SPOCK1: variants seen among roughly 807,000 people sequenced by gnomAD.
The protein encoded by SPOCK1 is testican-1.
In SPOCK1, 23 loss-of-function variants were observed where a neutral mutation model predicts 55.3. The observed-to-expected ratio is 0.42, with a 90% CI of 0.30 to 0.59. The LOEUF (loss-of-function observed/expected upper bound fraction) is 0.59. Among genes scored for constraint, SPOCK1 ranks in the 20% least tolerant of loss-of-function variants. The pLI is 0.22. For missense variants in SPOCK1, 499 were observed against 552.5 expected (o/e 0.90, Z 0.97); for synonymous variants, 226 against 221.0 (o/e 1.02, Z -0.20).
intron 3 of SPOCK1, among the ~76,000 whole-genome samples, chr5:137,160,600 T>A (rs976779500): frequency 0.17 from 9,642 of 58,268 alleles, 907 homozygotes; most frequent in East Asian, 0.28. Context: ...TATAATATAT[T>A]ATATATAATA....
intron 3 of SPOCK1, among the ~76,000 whole-genome samples, chr5:137,219,984 G>A (rs6596369): frequency 0.4 from 60,462 of 151,922 alleles, 13,142 homozygotes; most frequent in Non-Finnish European, 0.48. Flanking sequence ...TAAGCCCTGG[G>A]CAACCCATCC....
chr5:137,111,465 C>T (rs1388214533), intron 5 of SPOCK1, among the ~76,000 whole-genome samples: 1 of 152,194 alleles, frequency 6.6e-6, no homozygotes, highest in East Asian at 1.9e-4. Flanking sequence ...AAAACCCTGA[C>T]ACACGCACCC....
chr5:137,020,387 G>A (rs1268460470), intron 6 of SPOCK1, among the ~76,000 whole-genome samples: 1 of 151,728 alleles, frequency 6.6e-6, no homozygotes, highest in Non-Finnish European at 1.5e-5. Context: ...ACTGAAAACA[G>A]AATCAAAACA....
intron 2 of SPOCK1, among the ~76,000 whole-genome samples, chr5:137,494,079 G>A (rs914111317): frequency 4.6e-5 from 7 of 152,310 alleles, no homozygotes; most frequent in African/African-American, 1.4e-4. Flanking sequence ...TGATTCTTCA[G>A]GCCCGCTAAA....
intron 3 of SPOCK1, among the ~76,000 whole-genome samples, chr5:137,249,181 G>T (rs571401373): frequency 6.6e-6 from 1 of 152,312 alleles, no homozygotes; most frequent in South Asian, 2.1e-4. Context: ...ACTTGCTTGA[G>T]AGTTAATGTA....
chr5:137,340,943 CT>C (rs1193236459), intron 2 of SPOCK1, among the ~76,000 whole-genome samples: 3 of 152,002 alleles, frequency 2.0e-5, no homozygotes, highest in African/African-American at 7.2e-5. Flanking sequence ...GCCCAAAATC[CT>C]AGAGCTAATA....
chr5:137,474,474 C>G (rs1170130189), intron 2 of SPOCK1, among the ~76,000 whole-genome samples: 8 of 152,190 alleles, frequency 5.3e-5, no homozygotes, highest in Admixed American at 5.2e-4. Context: ...ATTCCTGCCT[C>G]TGTGCATTTA....
chr5:137,152,703 T>G (rs1317387626), intron 3 of SPOCK1, among the ~76,000 whole-genome samples: 2 of 152,208 alleles, frequency 1.3e-5, no homozygotes, highest in Admixed American at 1.3e-4. Flanking sequence ...GACTCTGTCT[T>G]CTACAGTCTG....
At chr5:137,060,402 T>C (rs1313138253) in intron 6 of SPOCK1, among the ~76,000 whole-genome samples, 1 of 151,822 alleles carries the variant, frequency 6.6e-6, no homozygotes, top group African/African-American at 2.4e-5. Context: ...AAACACTGAG[T>C]ATACATGGAC....
At chr5:137,013,246 T>C (rs966508249) in intron 6 of SPOCK1, among the ~76,000 whole-genome samples, 2 of 98,330 alleles carry the variant, frequency 2.0e-5, no homozygotes, top group African/African-American at 6.5e-5. Context: ...TTTTGTTTTT[T>C]GGCCTAAGAA....
intron 2 of SPOCK1, among the ~76,000 whole-genome samples, chr5:137,325,370 A>G (rs760665440): frequency 6.6e-6 from 1 of 152,122 alleles, no homozygotes; most frequent in Admixed American, 6.5e-5. Context: ...CACTGAGTTC[A>G]TTGCCCTTTG....
chr5:137,391,634 G>A (rs957008961), intron 2 of SPOCK1, among the ~76,000 whole-genome samples: 3 of 151,840 alleles, frequency 2.0e-5, no homozygotes, highest in Non-Finnish European at 2.9e-5. Flanking sequence ...CGATTCACTC[G>A]GTGCCTCCCC....
intron 2 of SPOCK1, among the ~76,000 whole-genome samples, chr5:137,273,677 T>C (rs530404154): frequency 6.6e-6 from 1 of 152,246 alleles, no homozygotes; most frequent in South Asian, 2.1e-4. Flanking sequence ...GCTAGCAAAA[T>C]CATGATTAAA....
chr5:137,491,976 G>T (rs1580957416), intron 2 of SPOCK1, among the ~76,000 whole-genome samples: 1 of 152,174 alleles, frequency 6.6e-6, no homozygotes, highest in East Asian at 1.9e-4. Context: ...ATGATGCCAG[G>T]CATTGTGCTA....
chr5:137,258,383 G>A (rs1413263397), intron 3 of SPOCK1, among the ~76,000 whole-genome samples: 8 of 152,208 alleles, frequency 5.3e-5, no homozygotes, highest in Admixed American at 3.3e-4. Context: ...CAATTGAGGA[G>A]CTTAACAAAA....
chr5:136,984,120 T>C (rs555622500), intron 9 of SPOCK1, among the ~76,000 whole-genome samples: 1 of 152,248 alleles, frequency 6.6e-6, no homozygotes, highest in African/African-American at 2.4e-5. Flanking sequence ...CAGAAATATA[T>C]CTTTATGTCC....
intron 5 of SPOCK1, among the ~76,000 whole-genome samples, chr5:137,104,237 T>G (rs1561610514): frequency 6.6e-6 from 1 of 152,164 alleles, no homozygotes; most frequent in Non-Finnish European, 1.5e-5. Context: ...CAAAAGTGTG[T>G]GGCATCTTCC....
At chr5:137,158,292 T>C (rs910594083) in intron 3 of SPOCK1, among the ~76,000 whole-genome samples, 3 of 152,188 alleles carry the variant, frequency 2.0e-5, no homozygotes, top group African/African-American at 7.2e-5. Context: ...TCTAGCCTTT[T>C]GGCCTCCCCT....
At chr5:137,165,371 C>T (rs1754628105) in intron 3 of SPOCK1, among the ~76,000 whole-genome samples, 1 of 152,160 alleles carries the variant, frequency 6.6e-6, no homozygotes, top group Non-Finnish European at 1.5e-5. Flanking sequence ...CTTAAGGTGT[C>T]CCCCTAAAGG....
Sources: gnomAD v4.1 joint callset for allele counts (sites outside exome capture counted in the v4.1 genomes callset) on GRCh38, gnomAD v4.1.1 for gene constraint, MANE v1.5 for transcripts, NCBI Gene and HGNC (gene_info 2026-07-23, HGNC 2026-07-21) for gene names.